MORC1: variants seen among roughly 807,000 people sequenced by gnomAD.
The protein encoded by MORC1 is MORC family CW-type zinc finger 1.
A neutral mutation model predicts 134.9 loss-of-function variants in MORC1; 59 were observed. That is an observed-to-expected ratio of 0.44 (90% CI 0.35 to 0.54). The LOEUF is 0.54. MORC1 is among the 20% of genes least tolerant of loss of function. The pLI, the probability that MORC1 is intolerant of heterozygous loss-of-function variation, is 0.00. For missense variants in MORC1, 947 were observed against 1,134.5 expected (o/e 0.83, Z 2.37); for synonymous variants, 395 against 391.7 (o/e 1.01, Z -0.10).
intron 14 of MORC1, among the ~76,000 whole-genome samples, chr3:109,054,129 A>G (rs529771843): frequency 4.6e-5 from 7 of 152,052 alleles, no homozygotes; most frequent in African/African-American, 1.7e-4. Flanking sequence ...TAAAAATACA[A>G]AAATTAGGCG....
chr3:108,978,476 T>C (rs1014519295), intron 24 of MORC1, among the ~76,000 whole-genome samples: 1 of 152,158 alleles, frequency 6.6e-6, no homozygotes, highest in African/African-American at 2.4e-5. Context: ...GGGGTCTTCA[T>C]GCCCATGTAG....
chr3:109,031,153 G>A (rs1416672588), intron 16 of MORC1, among the ~76,000 whole-genome samples: 1 of 152,156 alleles, frequency 6.6e-6, no homozygotes, highest in Non-Finnish European at 1.5e-5. Flanking sequence ...TCCCAGTTCT[G>A]TAGGTCTGAG....
At chr3:109,033,201 C>T (rs1052410616) in intron 15 of MORC1, among the ~76,000 whole-genome samples, 2 of 151,470 alleles carry the variant, frequency 1.3e-5, no homozygotes, top group African/African-American at 4.9e-5. Flanking sequence ...CTGTCTCCAA[C>T]TACATGATTA....
chr3:109,002,934 T>C (rs947172410), intron 20 of MORC1, among the ~76,000 whole-genome samples: 22 of 152,326 alleles, frequency 1.4e-4, no homozygotes, highest in African/African-American at 5.3e-4. Context: ...ATTCACCATA[T>C]TCCCTCTTTA....
At position 109,054,775 on chromosome 3, in the gene MORC1, T is replaced by G; in HGVS notation, c.1283A>C (p.Lys428Thr). Residue 428 changes from lysine to threonine, a missense_variant, in exon 14 of 28, where the codon AAA becomes ACA. Transcript: ENST00000232603. ...LNVQEYNHLL[K>T]VMGQYLVQYC... is the part of the protein sequence containing the mutation. ...CTGGACCAAGTACTGTCCCATGACT[T>G]TTAGTAGATGATTATACTCTTGGAC... The G allele has an allele frequency of 6.2e-7, 1 of 1,601,354 alleles. No individual in the cohort carries two copies. Among genetic ancestry groups the G allele is most frequent in the Non-Finnish European group, 8.5e-7 (1 of 1,177,098 alleles).
At chr3:108,959,678 T>C (rs898413632) in intron 27 of MORC1, among the ~76,000 whole-genome samples, 1 of 152,194 alleles carries the variant, frequency 6.6e-6, no homozygotes, top group Non-Finnish European at 1.5e-5. Flanking sequence ...GTTAGACGTA[T>C]GAGTTGGGTC....
chr3:109,062,584 C>G (rs1950108129), intron 10 of MORC1, among the ~76,000 whole-genome samples: 1 of 151,876 alleles, frequency 6.6e-6, no homozygotes, highest in Non-Finnish European at 1.5e-5. Flanking sequence ...CCACACCCGG[C>G]TAACTTTTTG....
In MORC1 at chr3:109,018,337, G is replaced by C. The variant is rs558758130; in HGVS notation, c.1704+9414C>G. Among the ~76,000 whole-genome samples, 14 of 152,178 alleles carry C rather than the reference G, an allele frequency of 9.2e-5. No homozygotes were observed. The South Asian group carries it at 1.0e-3, about 11-fold the overall frequency. On this transcript the variant is annotated intron_variant, in intron 17 of 27. Transcript: ENST00000232603. ...ATCTGCAACTGATTATTAGTGGAGA[G>C]GGCATGTGAAGAGATTTGCCTCCAG...
intron 17 of MORC1, among the ~76,000 whole-genome samples, chr3:109,009,255 G>C (rs1282319093): frequency 2.0e-5 from 3 of 146,808 alleles, no homozygotes; most frequent in Non-Finnish European, 4.5e-5. Context: ...CACCAGGCTG[G>C]AGTGCAGTGG....
intron 8 of MORC1, among the ~76,000 whole-genome samples, chr3:109,078,469 A>G (rs979281829): frequency 1.2e-4 from 19 of 152,044 alleles, no homozygotes; most frequent in Admixed American, 3.3e-4. Flanking sequence ...AGAGGAAATC[A>G]AAATAAAATT....
chr3:109,117,531 AG>A (rs1257251440), intron 1 of MORC1, among the ~76,000 whole-genome samples: 2 of 152,194 alleles, frequency 1.3e-5, no homozygotes, highest in Admixed American at 1.3e-4. Context: ...GCAGAGAAGA[AG>A]AAATGACCAA....
intron 3 of MORC1, among the ~76,000 whole-genome samples, chr3:109,104,545 G>T (rs1180712282): frequency 6.6e-6 from 1 of 152,128 alleles, no homozygotes. Flanking sequence ...TTGGAGGTAG[G>T]CTGGGTGTGG....
At chr3:109,022,278 T>C (rs1257245252) in intron 17 of MORC1, among the ~76,000 whole-genome samples, 1 of 152,164 alleles carries the variant, frequency 6.6e-6, no homozygotes, top group Admixed American at 6.5e-5. Flanking sequence ...TACACAATAA[T>C]GACACATTAA....
intron 17 of MORC1, among the ~76,000 whole-genome samples, chr3:109,014,630 A>T (rs531274510): frequency 3.3e-5 from 5 of 152,318 alleles, no homozygotes; most frequent in Non-Finnish European, 7.4e-5. Context: ...TTGGGTTTGT[A>T]ATATTTTAGG....
intron 14 of MORC1, among the ~76,000 whole-genome samples, chr3:109,039,802 ATTTTTG>A (rs2107629048): frequency 6.6e-6 from 1 of 152,290 alleles, no homozygotes; most frequent in South Asian, 2.1e-4. Flanking sequence ...GGTGAAGGCC[ATTTTTG>A]TTATGCCTCT....
At chr3:109,089,963 A>C (rs905359803) in intron 8 of MORC1, among the ~76,000 whole-genome samples, 1 of 152,164 alleles carries the variant, frequency 6.6e-6, no homozygotes, top group Non-Finnish European at 1.5e-5. Context: ...CACTTTCTGC[A>C]TATAGCCCTG....
chr3:109,110,260 C>T (rs1951133430), intron 3 of MORC1: 1 of 153,246 alleles, frequency 6.5e-6, no homozygotes, highest in Non-Finnish European at 1.5e-5. Flanking sequence ...AACCTAACTT[C>T]ATTAGCATCA....
intron 1 of MORC1, 84 bp downstream of exon 1, chr3:109,117,911 A>G: frequency 2.2e-5 from 23 of 1,068,812 alleles, no homozygotes; most frequent in Non-Finnish European, 3.1e-5. Flanking sequence ...TCACTTGCTG[A>G]GTATTCCTCA....
intron 18 of MORC1, among the ~76,000 whole-genome samples, chr3:109,006,126 C>A (rs1228055490): frequency 6.6e-6 from 1 of 152,186 alleles, no homozygotes; most frequent in Non-Finnish European, 1.5e-5. Flanking sequence ...CTCTCCACTC[C>A]AGAAGAATCC....
Sources: allele counts gnomAD v4.1 joint callset (sites outside exome capture counted in the v4.1 genomes callset), GRCh38; gene constraint gnomAD v4.1.1; transcripts MANE v1.5; gene names NCBI Gene and HGNC (gene_info 2026-07-23, HGNC 2026-07-21).